The following CCDC38 variants were observed in gnomAD, a reference collection of about 807,000 sequenced individuals.
The protein encoded by CCDC38 is coiled-coil domain-containing protein 38.
Under a neutral mutation model 72.8 loss-of-function variants are expected in CCDC38, and 69 were observed. That is an observed-to-expected ratio of 0.95 (90% CI 0.78 to 1.16). The LOEUF (loss-of-function observed/expected upper bound fraction) is 1.16. CCDC38 is among the 50% of genes most tolerant of loss of function. The pLI, the probability that CCDC38 is intolerant of heterozygous loss-of-function variation, is 0.00. For missense variants in CCDC38, 626 were observed against 638.9 expected (o/e 0.98, Z 0.22); for synonymous variants, 201 against 213.2 (o/e 0.94, Z 0.50).
chr12:95,874,254 A>T (rs1476351492), intron 13 of CCDC38, among the ~76,000 whole-genome samples: 1 of 152,218 alleles, frequency 6.6e-6, no homozygotes, highest in Admixed American at 6.5e-5. Context: ...TATTCACCAC[A>T]GGTTTTGAGG....
rs780242710 is a variant in CCDC38, at chr12:95,879,768, C to T, written c.1018G>A (p.Glu340Lys). 2 of 1,608,956 alleles carry T rather than the reference C, an allele frequency of 1.2e-6. No homozygotes were observed. The highest frequency in any genetic ancestry group is 2.2e-5 in the South Asian group (2 of 90,418). Reference protein sequence around the residue: ...LEPALYFKEPEELLQVLRELE... With the variant: ...LEPALYFKEPKELLQVLRELE... ...TCTCTGAGGACTTGAAGTAACTCCT[C>T]TGGTTCCTTGAAATAAAGTGCTGGC... Residue 340 changes from glutamate to lysine, a missense_variant, in exon 12 of 16, where the codon GAG (glutamate) becomes AAG (lysine). By Grantham distance (56) the Glu-to-Lys change is moderately conservative (BLOSUM62 1). Transcript: ENST00000344280. The surrounding 1 kb of genome is among the most constrained non-coding windows in gnomAD (Gnocchi z 5.5).
At chr12:95,917,046 A>G in intron 4 of CCDC38, 83 bp downstream of exon 4, 6 of 1,029,766 alleles carry the variant, frequency 5.8e-6, no homozygotes, top group Non-Finnish European at 8.3e-6. Flanking sequence ...TGTCTGTTTT[A>G]ATCACCCTCC....
At chr12:95,939,374 A>G (rs2080426117) in intron 1 of CCDC38, among the ~76,000 whole-genome samples, 1 of 152,070 alleles carries the variant, frequency 6.6e-6, no homozygotes, top group Non-Finnish European at 1.5e-5. Flanking sequence ...TCAATGAATC[A>G]CTCTGATGCT....
intron 2 of CCDC38, among the ~76,000 whole-genome samples, chr12:95,924,383 T>C (rs1174019133): frequency 6.9e-6 from 1 of 145,938 alleles, no homozygotes; most frequent in Non-Finnish European, 1.5e-5. Flanking sequence ...CACTTTTTGA[T>C]GGGGTTGTTT....
chr12:95,936,423 C>A, intron 2 of CCDC38, 50 bp downstream of exon 2: 1 of 1,557,284 alleles, frequency 6.4e-7, no homozygotes, highest in Non-Finnish European at 8.8e-7. Context: ...TGTTATGGAG[C>A]CTAACACTGC....
chr12:95,898,494 G>C, intron 6 of CCDC38, 29 bp from the exon 7 acceptor site: 1 of 1,607,178 alleles, frequency 6.2e-7, no homozygotes, highest in Non-Finnish European at 8.5e-7. Context: ...CTGTTAATTT[G>C]CTTCTTAGAA....
intron 5 of CCDC38, among the ~76,000 whole-genome samples, chr12:95,900,402 C>G (rs1288174057): frequency 6.6e-6 from 1 of 152,108 alleles, no homozygotes; most frequent in Non-Finnish European, 1.5e-5. Flanking sequence ...CGTCTTTATT[C>G]AGACGAAAAC....
chr12:95,874,055 CTAAAA>C (rs1027824374), intron 13 of CCDC38, among the ~76,000 whole-genome samples: 13 of 152,332 alleles, frequency 8.5e-5, no homozygotes, highest in African/African-American at 2.9e-4. Flanking sequence ...TCCCCTCTCT[CTAAAA>C]TAACACTTAC....
intron 2 of CCDC38, among the ~76,000 whole-genome samples, chr12:95,926,380 T>G (rs2080271018): frequency 6.6e-6 from 1 of 152,098 alleles, no homozygotes; most frequent in Non-Finnish European, 1.5e-5. Context: ...GTGGGATCGG[T>G]GGTGATATCC....
chr12:95,934,736 TG>T (rs2080374208), intron 2 of CCDC38: 1 of 148,938 alleles, frequency 6.7e-6, no homozygotes, highest in African/African-American at 2.5e-5. Context: ...AGGCTGGGTG[TG>T]GTGGCTCACA....
intron 2 of CCDC38, among the ~76,000 whole-genome samples, chr12:95,919,861 T>C (rs1249897893): frequency 6.6e-6 from 1 of 152,116 alleles, no homozygotes; most frequent in Non-Finnish European, 1.5e-5. Flanking sequence ...TGTGGAGAAA[T>C]TGGACCCAAA....
At chr12:95,937,506 G>C (rs1561097) in intron 1 of CCDC38, among the ~76,000 whole-genome samples, 88,719 of 151,918 alleles carry the variant, frequency 0.58, 26,904 homozygotes, top group African/African-American at 0.74. Context: ...TGGTGTAACT[G>C]TTACAATGAG....
chr12:95,890,779 G>T, intron 9 of CCDC38, 53 bp downstream of exon 9: 2 of 1,117,180 alleles, frequency 1.8e-6, no homozygotes, highest in South Asian at 2.7e-5. Flanking sequence ...TCTCCACTTT[G>T]AGATGGACAC....
chr12:95,912,336 C>G (rs2080102823), intron 4 of CCDC38, among the ~76,000 whole-genome samples: 1 of 152,122 alleles, frequency 6.6e-6, no homozygotes, highest in Non-Finnish European at 1.5e-5. Flanking sequence ...ACCCTCATAA[C>G]AAACCTGCAC....
intron 8 of CCDC38, among the ~76,000 whole-genome samples, chr12:95,891,626 G>A (rs986597248): frequency 6.6e-6 from 1 of 152,132 alleles, no homozygotes; most frequent in Non-Finnish European, 1.5e-5. Flanking sequence ...GGGATTACAA[G>A]ATGGAGCCAC....
intron 5 of CCDC38, 90 bp from the exon 6 acceptor site, chr12:95,898,821 T>G: frequency 8.0e-7 from 1 of 1,249,554 alleles, no homozygotes; most frequent in Non-Finnish European, 1.1e-6. Context: ...AACATTTGTA[T>G]TAGAAATAAT....
chr12:95,883,816 T>C (rs1353373278), intron 10 of CCDC38, among the ~76,000 whole-genome samples: 5 of 152,228 alleles, frequency 3.3e-5, no homozygotes, highest in Admixed American at 6.5e-5. Flanking sequence ...GTGAGCTTTC[T>C]GAGGGAGCGA....
At chr12:95,939,284 AC>A (rs2080425169) in intron 1 of CCDC38, among the ~76,000 whole-genome samples, 1 of 152,134 alleles carries the variant, frequency 6.6e-6, no homozygotes, top group Non-Finnish European at 1.5e-5. Flanking sequence ...AGGGGACAGC[AC>A]CCCAGATGAA....
At chr12:95,898,794 C>A in intron 5 of CCDC38, 63 bp from the exon 6 acceptor site, 1 of 1,455,552 alleles carries the variant, frequency 6.9e-7, no homozygotes, top group South Asian at 1.2e-5. Context: ...TTTCAACAGT[C>A]TTATACACAG....
Sources: gnomAD v4.1 joint callset for allele counts (sites outside exome capture counted in the v4.1 genomes callset) on GRCh38, gnomAD v4.1.1 for gene constraint, Gnocchi (gnomAD v3.1) non-coding constraint, MANE v1.5 for transcripts, NCBI Gene and HGNC (gene_info 2026-07-23, HGNC 2026-07-21) for gene names.